The following PPP1R13B variants were observed in gnomAD, a reference collection of about 807,000 sequenced individuals.
PPP1R13B encodes protein phosphatase 1 regulatory subunit 13B, also known as apoptosis-stimulating of p53 protein 1.
In PPP1R13B, 44 loss-of-function variants were observed where a neutral mutation model predicts 119.8. That is an observed-to-expected ratio of 0.37 (90% CI 0.29 to 0.47). PPP1R13B has a LOEUF of 0.47. PPP1R13B is among the 20% of genes least tolerant of loss of function. The probability of loss-of-function intolerance (pLI) is 0.99; values close to 1 mark genes in which losing one functional copy is unlikely to be tolerated. For missense variants in PPP1R13B, 1,227 were observed against 1,413.5 expected, an observed-to-expected ratio of 0.87 and a Z score of 2.12; for synonymous variants, 542 against 561.5, an observed-to-expected ratio of 0.97 and a Z score of 0.49.
At position 103,749,851 on chromosome 14, in the gene PPP1R13B, G is replaced by A. The variant is rs1177219300; in HGVS notation, c.912C>T (p.Ala304=). The A allele has an allele frequency of 6.2e-7, 1 of 1,613,936 alleles. No homozygotes were observed. Among genetic ancestry groups the A allele is most frequent in the Non-Finnish European group, 8.5e-7 (1 of 1,180,014 alleles). ...GTTCACTGATTCGCTTGTCCATCAT[G>A]GCCACCTCCATGTTGCGCTTATTTA... ...ELLNKRNMEV[A]MMDKRISELR... is the part of the protein sequence containing the mutation. Residue 304 remains alanine (A), a synonymous_variant, in exon 8 of 17, where the codon GCC becomes GCT. Transcript: ENST00000202556.
At chr14:103,739,717 C>T (rs1335322415) in intron 12 of PPP1R13B, 107 bp downstream of exon 12, 4 of 1,335,818 alleles carry the variant, frequency 3.0e-6, no homozygotes, top group Admixed American at 2.8e-5. Context: ...AGGGACATCC[C>T]TGGTTCCCAC....
chr14:103,749,823 GCAGTTCACTGATTCGCTTGTCCAT>G lies in PPP1R13B; in HGVS notation c.916_939del (p.Met306_Leu313del), dbSNP rs1453661427. 1 of 1,613,734 alleles carries G rather than the reference GCAGTTCACTGATTCGCTTGTCCAT, an allele frequency of 6.2e-7. No homozygotes were observed. ...ATTTTTTTCCCATAGAGACGTTCAC[GCAGTTCACTGATTCGCTTGTCCAT>G]CATGGCCACCTCCATGTTGCGCTTA... On this transcript the variant is annotated inframe_deletion, in exon 8 of 17. Coordinates refer to ENST00000202556, the MANE Select transcript of PPP1R13B (RefSeq NM_015316.3).
At chr14:103,745,646 G>A (rs982955089) in intron 9 of PPP1R13B, among the ~76,000 whole-genome samples, 8 of 152,210 alleles carry the variant, frequency 5.3e-5, no homozygotes, top group African/African-American at 1.9e-4. Context: ...AACGATGTGT[G>A]GACTTTGATC....
At chr14:103,823,206 C>T (rs773358057) in intron 1 of PPP1R13B, among the ~76,000 whole-genome samples, 21 of 151,618 alleles carry the variant, frequency 1.4e-4, no homozygotes, top group Admixed American at 1.2e-3. Context: ...GGCGTGGTGG[C>T]GGGTGCCTGT....
At chr14:103,844,687 T>C (rs1010183912) in intron 1 of PPP1R13B, among the ~76,000 whole-genome samples, 13 of 151,974 alleles carry the variant, frequency 8.6e-5, no homozygotes, top group Non-Finnish European at 1.8e-4. Context: ...CAAGATCATG[T>C]TGCACTCCAG....
intron 1 of PPP1R13B, among the ~76,000 whole-genome samples, chr14:103,823,895 C>T (rs1437690975): frequency 2.0e-5 from 3 of 151,988 alleles, no homozygotes; most frequent in Non-Finnish European, 2.9e-5. Context: ...ACACTTTAAA[C>T]AGCAGGTACA....
In PPP1R13B at chr14:103,778,793, A is replaced by C. The variant is rs766510566; in HGVS notation, c.306T>G (p.Thr102=). The stretch of plus-strand genomic sequence containing the variant: ...CAGGTACATTTATTACATTTCTCTG[A>C]GTTCGTTGCTCTTGGGTCTGACGGC... The part of the protein sequence containing the change: ...QGGRQTQEQR[T]QRNVINVPGE... Residue 102 remains threonine (T), a synonymous_variant, in exon 4 of 17, where the codon ACT becomes ACG. Coordinates refer to ENST00000202556, the MANE Select transcript of PPP1R13B (RefSeq NM_015316.3). 58 of 1,613,950 alleles carry C rather than the reference A, an allele frequency of 3.6e-5. No individual in the cohort carries two copies. The highest frequency in any genetic ancestry group is 4.2e-5 in the Non-Finnish European group (50 of 1,179,978).
rs941843240 is a variant in PPP1R13B at position 103,738,240 on chromosome 14, C to T, written c.2865-380G>A. 13 of 284,810 alleles carry T rather than the reference C, an allele frequency of 4.6e-5. No individual in the cohort carries two copies. In the Admixed American group the frequency reaches 5.8e-4, roughly 13 times the overall value. 17.6% of individuals were successfully genotyped at this position (284,810 alleles called of 1,614,324 possible). On this transcript the variant is annotated intron_variant, in intron 14 of 16. Coordinates refer to ENST00000202556, the MANE Select transcript of PPP1R13B (RefSeq NM_015316.3). The surrounding 1 kb of genome is among the most constrained non-coding windows in gnomAD (Gnocchi z 5.6). ...TCAGCTGTCTGAAAGTTCAAAATAA[C>T]CCCCACAGGAGACCAACACGCCTCG...
At chr14:103,841,167 C>T (rs2086897623) in intron 1 of PPP1R13B, among the ~76,000 whole-genome samples, 1 of 152,022 alleles carries the variant, frequency 6.6e-6, no homozygotes, top group African/African-American at 2.4e-5. Context: ...TGCCTGTAAT[C>T]CCAGCTACTC....
intron 1 of PPP1R13B, among the ~76,000 whole-genome samples, chr14:103,840,537 C>T (rs1289735227): frequency 6.6e-6 from 1 of 152,140 alleles, no homozygotes; most frequent in Non-Finnish European, 1.5e-5. Flanking sequence ...GCCTGTAATT[C>T]CAGCACTTTG....
intron 1 of PPP1R13B, chr14:103,847,061 C>T (rs2087059557): frequency 9.8e-7 from 1 of 1,016,756 alleles, no homozygotes; most frequent in South Asian, 3.5e-5. Flanking sequence ...CTCCCCGCGG[C>T]CGCGGAGGCC....
chr14:103,741,197 C>T (rs376524109), intron 11 of PPP1R13B, among the ~76,000 whole-genome samples: 1 of 152,230 alleles, frequency 6.6e-6, no homozygotes, highest in Non-Finnish European at 1.5e-5. Context: ...AGGCCCTAGC[C>T]TAGACCTGAC....
At chr14:103,835,845 G>A (rs1003859294) in intron 1 of PPP1R13B, among the ~76,000 whole-genome samples, 5 of 151,782 alleles carry the variant, frequency 3.3e-5, no homozygotes, top group Non-Finnish European at 7.4e-5. Context: ...TCATGACCTC[G>A]TGATCCGCCT....
intron 4 of PPP1R13B, among the ~76,000 whole-genome samples, chr14:103,772,543 G>A (rs2085096138): frequency 6.6e-6 from 1 of 152,144 alleles, no homozygotes; most frequent in Non-Finnish European, 1.5e-5. Flanking sequence ...GGTGTGTAAT[G>A]CCACTTCATG....
Position 103,735,139 on chromosome 14 carries a change from G to C in PPP1R13B, c.*15C>G. On this transcript the variant is annotated 3_prime_UTR_variant, in exon 17 of 17. Transcript: ENST00000202556. The stretch of plus-strand genomic sequence containing the variant: ...CTGGTAGCTGGCAAGACCATGCGGT[G>C]CTCCAAAAGGAAGTTCAGGCGAGTG... 6.2e-7 allele frequency: 1 copy of C among 1,614,082 alleles called. No individual in the cohort carries two copies. The highest frequency in any genetic ancestry group is 1.7e-5 in the Admixed American group (1 of 60,022).
Position 103,740,337 on chromosome 14 carries a change from G to C in PPP1R13B, c.2079C>G (p.Ala693=), listed in dbSNP as rs2151964328. ...GCGCGTTGGCCAGCTTCCTGCGGAGGGCCTCCAGGTCTGCATCACTCTGGT... is the reference window on the plus strand; with the variant it reads ...GCGCGTTGGCCAGCTTCCTGCGGAGCGCCTCCAGGTCTGCATCACTCTGGT... The part of the protein sequence containing the change: ...LRYQSDADLE[A]LRRKLANAPR... Residue 693 remains alanine, a synonymous_variant, in exon 12 of 17, where the codon GCC becomes GCG. Coordinates refer to ENST00000202556, the MANE Select transcript of PPP1R13B (RefSeq NM_015316.3). This position sits in a 1 kb window ranked among gnomAD's most constrained non-coding sequence, Gnocchi z 4.6. 6.4e-7 allele frequency: 1 copy of C among 1,567,066 alleles called. No homozygotes were observed. The highest frequency in any genetic ancestry group is 1.2e-5 in the South Asian group (1 of 84,128).
chr14:103,755,307 G>A (rs1193431338), intron 5 of PPP1R13B, among the ~76,000 whole-genome samples: 5 of 152,156 alleles, frequency 3.3e-5, no homozygotes, highest in Non-Finnish European at 7.3e-5. Context: ...CTGACCAGCA[G>A]AGAATTTTAC....
intron 1 of PPP1R13B, among the ~76,000 whole-genome samples, chr14:103,805,626 C>T (rs2086000365): frequency 6.6e-6 from 1 of 151,906 alleles, no homozygotes. Flanking sequence ...AAAGGAAAGA[C>T]AAGACAAAAC....
At chr14:103,802,650 C>G (rs2085927524) in intron 1 of PPP1R13B, among the ~76,000 whole-genome samples, 1 of 152,140 alleles carries the variant, frequency 6.6e-6, no homozygotes, top group African/African-American at 2.4e-5. Flanking sequence ...CTTACTTGCT[C>G]TGAAACGCGG....
Sources: gnomAD v4.1 joint callset for allele counts (sites outside exome capture counted in the v4.1 genomes callset) on GRCh38, gnomAD v4.1.1 for gene constraint, Gnocchi (gnomAD v3.1) non-coding constraint, MANE v1.5 for transcripts, NCBI Gene and HGNC (gene_info 2026-07-23, HGNC 2026-07-21) for gene names.